The following ECM2 variants were observed in gnomAD, a reference collection of about 807,000 sequenced individuals.
The protein encoded by ECM2 is extracellular matrix protein 2, female organ and adipocyte specific.
In ECM2, 57 loss-of-function variants were observed where a neutral mutation model predicts 67.5. The observed-to-expected ratio is 0.84, with a 90% CI of 0.68 to 1.05. The LOEUF (loss-of-function observed/expected upper bound fraction) is 1.05, where lower values mean the gene tolerates loss of function less well. Ranked by LOEUF, ECM2 falls within the 50% of genes least tolerant of loss-of-function variation. ECM2 has a pLI of 0.00. For missense variants in ECM2, 741 were observed against 822.8 expected, an observed-to-expected ratio of 0.90 and a Z score of 1.22; for synonymous variants, 258 against 294.5, an observed-to-expected ratio of 0.88 and a Z score of 1.27.
At chr9:92,516,962 T>C (rs1847765315) in intron 3 of ECM2, 3 of 152,294 alleles carry the variant, frequency 2.0e-5, no homozygotes, top group Non-Finnish European at 1.5e-5. Flanking sequence ...CAGCCAATTA[T>C]TTAACAAGTA....
chr9:92,556,007 T>C, the ECM2 span, among the ~76,000 whole-genome samples: 5 of 152,186 alleles, frequency 3.3e-5, no homozygotes, highest in African/African-American at 1.2e-4. Context: ...TCTTTCAGAC[T>C]TTTTGATGTG....
the ECM2 span, among the ~76,000 whole-genome samples, chr9:92,555,358 CT>C: frequency 1.3e-5 from 2 of 150,602 alleles, no homozygotes; most frequent in African/African-American, 2.4e-5. Context: ...TCCCGAGTAG[CT>C]GGGATTACAG....
At chr9:92,544,976 C>G in the ECM2 span, among the ~76,000 whole-genome samples, 3 of 152,134 alleles carry the variant, frequency 2.0e-5, no homozygotes, top group African/African-American at 7.2e-5. Flanking sequence ...CCCGCCTCAG[C>G]CCGCTCCAGA....
intron 1 of ECM2, among the ~76,000 whole-genome samples, chr9:92,533,328 A>AAAAAATATATATATATATAT (rs1554683138): frequency 2.6e-5 from 1 of 38,332 alleles, no homozygotes; most frequent in Non-Finnish European, 4.3e-5. Context: ...AAAAAAAAAA[A>AAAAAATATATATATATATAT]ATATATATAT....
the ECM2 span, among the ~76,000 whole-genome samples, chr9:92,557,621 C>T: frequency 6.6e-6 from 1 of 152,024 alleles, no homozygotes; most frequent in Non-Finnish European, 1.5e-5. Context: ...ATTGCTGAGA[C>T]TTTCCAGAGC....
downstream of ECM2, chr9:92,493,982 C>T (rs1045020144): frequency 1.5e-5 from 17 of 1,143,256 alleles, no homozygotes; most frequent in East Asian, 7.4e-5. Flanking sequence ...AGTCTCCTGG[C>T]GGCCCTCAGG....
chr9:92,513,145 C>G (rs1051887643), intron 4 of ECM2, among the ~76,000 whole-genome samples: 2 of 152,186 alleles, frequency 1.3e-5, no homozygotes, highest in Non-Finnish European at 2.9e-5. Context: ...TCCTGCTGCT[C>G]CCAGCACCCA....
chr9:92,500,865 A>C lies in ECM2; in HGVS notation c.1793T>G (p.Met598Arg). Residue 598 changes from methionine to arginine, a missense_variant, in exon 9 of 10, where the codon ATG (methionine) becomes AGG (arginine). By Grantham distance (91) the Met-to-Arg change is moderately conservative (BLOSUM62 -1). Transcript: ENST00000344604. ...LSFNKLADDG[M>R]DRVSFYGAYH... Reference sequence around the variant, plus strand: ...TGCCCCATAGAAGGAGACACGGTCCATGCCATCATCAGCAAGTTTGTTAAA... The same window carrying C: ...TGCCCCATAGAAGGAGACACGGTCCCTGCCATCATCAGCAAGTTTGTTAAA... 1 of 1,614,226 alleles carries C rather than the reference A, an allele frequency of 6.2e-7. No homozygotes were observed. The highest frequency in any genetic ancestry group is 8.5e-7 in the Non-Finnish European group (1 of 1,180,032).
rs760055593 is a variant in ECM2, at chr9:92,514,862, C to A, written c.823G>T (p.Glu275Ter). The A allele has an allele frequency of 1.2e-6, 2 of 1,612,966 alleles. No individual in the cohort carries two copies. The highest frequency in any genetic ancestry group is 1.7e-6 in the Non-Finnish European group (2 of 1,179,408). The change falls in exon 4 of 10, where the codon GAG (glutamate) becomes TAG (stop). Residue 275 changes from glutamate (E) to a stop codon, truncating the protein, a stop_gained. Coordinates refer to ENST00000344604, the MANE Select transcript of ECM2 (RefSeq NM_001393.4). LOFTEE classifies it high-confidence loss of function. ...TCACCCTCCTCACCCTCCTCCTCCT[C>A]ATCCTCCTCCTCCTCCCTTCCTTGG... The part of the protein sequence containing the change: ...QRQGREEEED[E>*]EEEGEEGEED...
intron 3 of ECM2, chr9:92,517,461 T>G (rs1206341631): frequency 1.6e-5 from 10 of 622,992 alleles, no homozygotes; most frequent in Non-Finnish European, 2.2e-5. Context: ...CTCATCCAAG[T>G]TTACTGAATC....
chr9:92,512,579 G>A (rs1037848953), intron 4 of ECM2, among the ~76,000 whole-genome samples: 2 of 152,198 alleles, frequency 1.3e-5, no homozygotes, highest in African/African-American at 4.8e-5. Context: ...CTCTGAGCCT[G>A]TCTCCATCTC....
At chr9:92,539,767 C>T (rs973431469), upstream of ECM2, among the ~76,000 whole-genome samples, 18 of 152,150 alleles carry the variant, frequency 1.2e-4, no homozygotes, top group African/African-American at 4.3e-4. Context: ...TTTACTTTAG[C>T]TGAACTTACT....
At chr9:92,540,435 CA>C (rs35325216), upstream of ECM2, among the ~76,000 whole-genome samples, 10,362 of 117,530 alleles carry the variant, frequency 0.088, 376 homozygotes, top group South Asian at 0.13. Context: ...GAGACTGTCT[CA>C]AAAAAAAAAA....
intron 6 of ECM2, 39 bp downstream of exon 6, chr9:92,509,860 T>G: frequency 6.3e-7 from 1 of 1,575,280 alleles, no homozygotes; most frequent in Non-Finnish European, 8.6e-7. Flanking sequence ...TAGGAAAGAT[T>G]ATAAGGAAGC....
chr9:92,541,598 G>A (rs1425056742), upstream of ECM2, among the ~76,000 whole-genome samples: 5 of 151,426 alleles, frequency 3.3e-5, no homozygotes, highest in African/African-American at 1.2e-4. Flanking sequence ...TCTGTGCCTG[G>A]CTTATTTCAC....
chr9:92,551,364 G>T, the ECM2 span, among the ~76,000 whole-genome samples: 831 of 152,008 alleles, frequency 5.5e-3, 8 homozygotes, highest in African/African-American at 0.019. Flanking sequence ...TTGAGATAGG[G>T]TCTTGCTCTG....
In ECM2 at chr9:92,500,805, T is replaced by C. The variant is rs1846625753; in HGVS notation, c.1853A>G (p.Asn618Ser). ...HSLRELFLDH[N>S]DLKSIPPGIQ... The stretch of plus-strand genomic sequence containing the variant: ...CCCAGGTGGTATAGATTTTAAGTCA[T>C]TGTGATCCAGAAATAATTCTCTCAG... The change falls in exon 9 of 10, where the codon AAT becomes AGT. Residue 618 changes from asparagine to serine, a missense_variant. By Grantham distance (46) the Asn-to-Ser change is conservative. Transcript: ENST00000344604. The C allele has an allele frequency of 6.2e-7, 1 of 1,614,214 alleles. No homozygotes were observed. The highest frequency in any genetic ancestry group is 8.5e-7 in the Non-Finnish European group (1 of 1,180,026).
chr9:92,501,031 A>G lies in ECM2; in HGVS notation c.1627T>C (p.Ser543Pro), dbSNP rs772897322. ...NQENLESIDL[S>P]YNKLYHVPSY... ...GGGACGTGATAGAGCTTGTTGTAGG[A>G]GAGATCAATGGATTCTAGATTTCTG... The change falls in exon 9 of 10, where the codon TCC (serine) becomes CCC (proline). Residue 543 changes from serine (S) to proline (P), a missense_variant. Transcript: ENST00000344604. 2.7e-5 allele frequency: 43 copies of G among 1,613,602 alleles called. No individual in the cohort carries two copies. Among genetic ancestry groups the G allele is most frequent in the Admixed American group, 6.7e-5 (4 of 60,000 alleles).
chr9:92,543,282 G>A, the ECM2 span, among the ~76,000 whole-genome samples: 1 of 151,918 alleles, frequency 6.6e-6, no homozygotes, highest in Non-Finnish European at 1.5e-5. Context: ...GACCAGCCTG[G>A]CCAACATGGT....
Sources: allele counts gnomAD v4.1 joint callset (sites outside exome capture counted in the v4.1 genomes callset), GRCh38; gene constraint gnomAD v4.1.1; transcripts MANE v1.5; gene names NCBI Gene and HGNC (gene_info 2026-07-23, HGNC 2026-07-21).